The following PIK3C3 variants were observed in gnomAD, a reference collection of about 807,000 sequenced individuals.
PIK3C3 encodes phosphatidylinositol 3-kinase catalytic subunit type 3.
PIK3C3 carries 95 observed loss-of-function variants against 126.1 expected under a neutral mutation model. The ratio of observed to expected loss-of-function variants is 0.75; its 90% CI spans 0.64 to 0.89. The LOEUF (loss-of-function observed/expected upper bound fraction) is 0.89, where lower values mean the gene tolerates loss of function less well. PIK3C3 is among the 40% of genes least tolerant of loss of function. The probability of loss-of-function intolerance (pLI) is 0.00; values close to 1 mark genes in which losing one functional copy is unlikely to be tolerated. For synonymous variants in PIK3C3, 374 were observed against 360.0 expected, an observed-to-expected ratio of 1.04 and a Z score of -0.44; for missense variants, 829 against 1,063.2, an observed-to-expected ratio of 0.78 and a Z score of 3.06.
chr18:42,061,978 C>T (rs2144512063), intron 22 of PIK3C3, among the ~76,000 whole-genome samples: 1 of 151,774 alleles, frequency 6.6e-6, no homozygotes, highest in South Asian at 2.1e-4. Flanking sequence ...GGTGAGGTGG[C>T]AAGGGGAAAG....
chr18:42,034,767 G>A (rs1427761854), intron 16 of PIK3C3, among the ~76,000 whole-genome samples: 1 of 152,168 alleles, frequency 6.6e-6, no homozygotes, highest in Non-Finnish European at 1.5e-5. Flanking sequence ...GATTCTAGTG[G>A]TAGAAAGGCA....
At chr18:42,076,150 AT>A (rs1986005581) in intron 24 of PIK3C3, among the ~76,000 whole-genome samples, 1 of 92,930 alleles carries the variant, frequency 1.1e-5, no homozygotes, top group Non-Finnish European at 1.8e-5. Flanking sequence ...ATATGCGCAT[AT>A]ATATATATAT....
intron 22 of PIK3C3, 45 bp from the exon 23 acceptor site, chr18:42,064,695 G>A (rs754111541): frequency 2.2e-6 from 2 of 896,888 alleles, no homozygotes; most frequent in East Asian, 4.8e-5. Context: ...AAGAAATGCA[G>A]AATTCTTAAT....
At chr18:41,977,962 G>GTT (rs1296540690) in intron 4 of PIK3C3, among the ~76,000 whole-genome samples, 1 of 151,960 alleles carries the variant, frequency 6.6e-6, no homozygotes, top group African/African-American at 2.4e-5. Flanking sequence ...GTTTGTTTTT[G>GTT]TTTGTTTGTT....
intron 24 of PIK3C3, among the ~76,000 whole-genome samples, chr18:42,079,644 A>G (rs1986165170): frequency 6.6e-6 from 1 of 152,202 alleles, no homozygotes; most frequent in East Asian, 1.9e-4. Flanking sequence ...AAAACAAGGT[A>G]TGCTGGTATA....
Position 42,081,984 on chromosome 18 carries a change from AC to A in PIK3C3, c.*848del, listed in dbSNP as rs1373409727. ...TTTGATGTTATAAAGGAGTTGAGGA[AC>A]AAAAAGCTCTTTGAAATAGCTCACC... On this transcript the variant is annotated 3_prime_UTR_variant, in exon 25 of 25. Transcript: ENST00000262039. 2 of 149,402 alleles carry A rather than the reference AC, an allele frequency of 1.3e-5. No homozygotes were observed. The highest frequency in any genetic ancestry group is 6.9e-5 in the Admixed American group (1 of 14,566). The allele number at this position is 149,402 out of a possible 1,614,324, so 9.3% of individuals were successfully genotyped here.
At chr18:41,964,607 G>T (rs558063482) in intron 3 of PIK3C3, among the ~76,000 whole-genome samples, 1 of 152,150 alleles carries the variant, frequency 6.6e-6, no homozygotes, top group South Asian at 2.1e-4. Flanking sequence ...AGTTAGGATA[G>T]TATTATAAAA....
chr18:41,963,063 C>A (rs1216420843), intron 3 of PIK3C3, among the ~76,000 whole-genome samples: 2 of 151,852 alleles, frequency 1.3e-5, no homozygotes. Flanking sequence ...GTTTTTGAAA[C>A]ATTTGCAAAT....
intron 12 of PIK3C3, 46 bp downstream of exon 12, chr18:42,015,612 C>T (rs1171728333): frequency 7.7e-7 from 1 of 1,303,570 alleles, no homozygotes. Flanking sequence ...GATCCTACTG[C>T]ATGAACATTT....
chr18:42,046,164 A>G (rs1025476359), intron 20 of PIK3C3, among the ~76,000 whole-genome samples: 9 of 152,054 alleles, frequency 5.9e-5, no homozygotes, highest in African/African-American at 2.2e-4. Context: ...CTTTTTTCCA[A>G]CATTTCACAT....
chr18:42,027,170 G>GA (rs1024804016), intron 13 of PIK3C3: 21 of 212,920 alleles, frequency 9.9e-5, no homozygotes, highest in Middle Eastern at 1.7e-3. Flanking sequence ...ATAAATAGGA[G>GA]AAAATGCTTG....
intron 23 of PIK3C3, among the ~76,000 whole-genome samples, chr18:42,065,964 G>A (rs974698549): frequency 1.3e-5 from 2 of 152,184 alleles, no homozygotes; most frequent in Admixed American, 6.5e-5. Context: ...ATGTAAGTAT[G>A]CAAGCTTTGA....
Position 42,004,530 on chromosome 18 carries a change from G to A in PIK3C3, c.1159G>A (p.Ala387Thr). The change falls in exon 10 of 25, where the codon GCC becomes ACC. Residue 387 changes from alanine to threonine, a missense_variant. Ala to Thr is a moderately conservative substitution (Grantham distance 58). Around this residue, in one of 4 missense-constraint regions of PIK3C3, gnomAD observed 256 missense variants for 291.0 expected, o/e 0.88. Coordinates refer to ENST00000262039, the MANE Select transcript of PIK3C3 (RefSeq NM_002647.4). ...TTATGCTGTTGCCCGGTTGCGACAG[G>A]CCGATGATGAGGTGCATTATTATTT... Reference protein sequence around the residue: ...RRYAVARLRQADDEDLLMYLL... With the variant: ...RRYAVARLRQTDDEDLLMYLL... 6.3e-7 allele frequency: 1 copy of A among 1,589,178 alleles called. No individual in the cohort carries two copies. The highest frequency in any genetic ancestry group is 8.5e-7 in the Non-Finnish European group (1 of 1,173,292).
intron 3 of PIK3C3, 99 bp from the exon 4 acceptor site, chr18:41,970,228 T>G: frequency 1.0e-6 from 1 of 1,004,718 alleles, no homozygotes; most frequent in Non-Finnish European, 1.5e-6. Context: ...GAGATATACA[T>G]TTCCATGTAT....
rs1333557923 is a variant in PIK3C3 at position 42,076,102 on chromosome 18, A to ATATATG, written c.2650-5016_2650-5015insGTATAT. ...TGCTTTACCTTGCATATATATATAT[A>ATATATG]TATATATATATATATATATGCGCAT... is the stretch of plus-strand genomic sequence containing the variant. On this transcript the variant is annotated intron_variant, in intron 24 of 24. Coordinates refer to ENST00000262039, the MANE Select transcript of PIK3C3 (RefSeq NM_002647.4). 3.4e-3 allele frequency among the ~76,000 whole-genome samples: 233 copies of ATATATG among 68,928 alleles called. 2 individuals are homozygous for ATATATG. Among genetic ancestry groups the ATATATG allele is most frequent in the Non-Finnish European group, 5.1e-3 (176 of 34,812 alleles). The allele number at this position is 68,928 out of a possible 152,430, so 45.2% of individuals were successfully genotyped here.
rs1009604883 is a variant in PIK3C3 at position 41,977,228 on chromosome 18, C to T, written c.531+6772C>T. Reference sequence around the variant, plus strand: ...TATATGGCTTCAGTTGTTACGAATACATACTTCAAAAGCAATTAAAAAAAC... The same window carrying T: ...TATATGGCTTCAGTTGTTACGAATATATACTTCAAAAGCAATTAAAAAAAC... On this transcript the variant is annotated intron_variant, in intron 4 of 24. Coordinates refer to ENST00000262039, the MANE Select transcript of PIK3C3 (RefSeq NM_002647.4). 2.6e-5 allele frequency among the ~76,000 whole-genome samples: 4 copies of T among 152,154 alleles called. No individual in the cohort carries two copies. In the East Asian group the frequency reaches 5.8e-4, roughly 22 times the overall value.
chr18:41,982,485 T>G (rs1451301186), intron 4 of PIK3C3, among the ~76,000 whole-genome samples: 1 of 152,218 alleles, frequency 6.6e-6, no homozygotes. Context: ...GAGCTTTTAT[T>G]ATGAAGTGAA....
intron 3 of PIK3C3, among the ~76,000 whole-genome samples, chr18:41,968,409 T>G (rs933731155): frequency 3.9e-5 from 6 of 152,210 alleles, no homozygotes; most frequent in African/African-American, 1.4e-4. Flanking sequence ...AAGAGACATG[T>G]ATATATGTGG....
chr18:42,017,574 T>G (rs1475422239), intron 12 of PIK3C3, among the ~76,000 whole-genome samples: 1 of 152,128 alleles, frequency 6.6e-6, no homozygotes, highest in East Asian at 1.9e-4. Context: ...ATTATTAATT[T>G]CTTCTTGTAG....
Sources: allele counts gnomAD v4.1 joint callset (sites outside exome capture counted in the v4.1 genomes callset), GRCh38; gene constraint gnomAD v4.1.1; regional missense constraint gnomAD v4.1.1; transcripts MANE v1.5; gene names NCBI Gene and HGNC (gene_info 2026-07-23, HGNC 2026-07-21).